Variants in GADL1 observed in about 807,000 individuals in gnomAD.
The protein encoded by GADL1 is GAD like acidic amino acid decarboxylase 1, also known as acidic amino acid decarboxylase GADL1.
A neutral mutation model predicts 69.5 loss-of-function variants in GADL1; 71 were observed. That is an observed-to-expected ratio of 1.02 (90% CI 0.84 to 1.25). The LOEUF (loss-of-function observed/expected upper bound fraction) is 1.25. Ranked by LOEUF, GADL1 falls within the 50% of genes most tolerant of loss-of-function variation. GADL1 has a pLI of 0.00. For missense variants in GADL1, 737 were observed against 631.8 expected (o/e 1.17, Z -1.79); for synonymous variants, 254 against 214.4 (o/e 1.18, Z -1.62).
At chr3:30,861,451 T>G in intron 2 of GADL1, 142 bp downstream of exon 2, 1 of 635,240 alleles carries the variant, frequency 1.6e-6, no homozygotes. Context: ...GCCTACACTT[T>G]TATATCTGGA....
chr3:30,749,495 C>A lies in GADL1; in HGVS notation c.1393-21080G>T, dbSNP rs1461080. ...CCAGCAATGTACTGACTAACTCATGCCTATTTTTAGCAACAGGTGAATCTT... is the reference window on the plus strand; with the variant it reads ...CCAGCAATGTACTGACTAACTCATGACTATTTTTAGCAACAGGTGAATCTT... On this transcript the variant is annotated intron_variant, in intron 14 of 14. Transcript: ENST00000282538. Among the ~76,000 whole-genome samples the A allele has an allele frequency of 3.0e-3, 462 of 152,282 alleles. 1 individual carries two copies. The highest frequency in any genetic ancestry group is 0.011 in the African/African-American group (442 of 41,554).
intron 1 of GADL1, among the ~76,000 whole-genome samples, chr3:30,873,778 C>G (rs982399647): frequency 6.6e-6 from 1 of 151,916 alleles, no homozygotes; most frequent in African/African-American, 2.4e-5. Flanking sequence ...TGGGGATTAT[C>G]TTTGCCCAGG....
At chr3:30,738,695 T>C (rs1695574263) in intron 14 of GADL1, among the ~76,000 whole-genome samples, 1 of 152,326 alleles carries the variant, frequency 6.6e-6, no homozygotes, top group South Asian at 2.1e-4. Flanking sequence ...TTTCTGAATA[T>C]TGTGTCTGGC....
At chr3:30,837,205 T>C (rs765893795) in intron 9 of GADL1, among the ~76,000 whole-genome samples, 1 of 152,118 alleles carries the variant, frequency 6.6e-6, no homozygotes, top group African/African-American at 2.4e-5. Context: ...CTAGAAGATT[T>C]CAAACAGGTC....
At chr3:30,886,666 A>T (rs1209983583) in intron 1 of GADL1, among the ~76,000 whole-genome samples, 1 of 152,160 alleles carries the variant, frequency 6.6e-6, no homozygotes, top group East Asian at 1.9e-4. Context: ...TTCATGTTGT[A>T]ACTGTTTGCT....
intron 14 of GADL1, among the ~76,000 whole-genome samples, chr3:30,739,252 CT>C (rs1214680760): frequency 6.6e-6 from 1 of 152,160 alleles, no homozygotes; most frequent in Non-Finnish European, 1.5e-5. Flanking sequence ...TAAGAGACAT[CT>C]TGTTCTATAC....
At chr3:30,752,071 C>T (rs991893142) in intron 14 of GADL1, among the ~76,000 whole-genome samples, 1 of 152,008 alleles carries the variant, frequency 6.6e-6, no homozygotes, top group Non-Finnish European at 1.5e-5. Flanking sequence ...TGTGCTGAAA[C>T]CTATTTCGTT....
intron 1 of GADL1, among the ~76,000 whole-genome samples, chr3:30,890,213 C>T (rs970262397): frequency 5.9e-5 from 9 of 152,174 alleles, no homozygotes; most frequent in East Asian, 1.9e-4. Flanking sequence ...CTTAAGATTT[C>T]GGGAATCATG....
chr3:30,886,806 C>T (rs566920004), intron 1 of GADL1, among the ~76,000 whole-genome samples: 14 of 152,288 alleles, frequency 9.2e-5, no homozygotes, highest in Admixed American at 9.2e-4. Context: ...TCCTGGCAGG[C>T]AGCATAAGAT....
chr3:30,867,307 C>T (rs1698416857), intron 1 of GADL1, among the ~76,000 whole-genome samples: 1 of 151,236 alleles, frequency 6.6e-6, no homozygotes, highest in Non-Finnish European at 1.5e-5. Context: ...AAAGTCCTTC[C>T]AAAACTTCAA....
At chr3:30,834,136 C>T in intron 10 of GADL1, 81 bp downstream of exon 10, 3 of 1,202,094 alleles carry the variant, frequency 2.5e-6, no homozygotes, top group East Asian at 4.7e-5. Context: ...TTTGTTTTTT[C>T]CTATTTTCAA....
Position 30,804,545 on chromosome 3 carries a change from T to G in GADL1, c.1051-3457A>C, listed in dbSNP as rs56404899. ...CCCCACCCCGATATCTCCCTTTATC[T>G]GACCAAATTCTTCATCCTTCTTACT... On this transcript the variant is annotated intron_variant, in intron 11 of 14. Coordinates refer to ENST00000282538, the MANE Select transcript of GADL1 (RefSeq NM_207359.3). Among the ~76,000 whole-genome samples, 402 of 141,234 alleles carry G rather than the reference T, an allele frequency of 2.8e-3. 1 individual carries two copies. The highest frequency in any genetic ancestry group is 0.011 in the Middle Eastern group (3 of 278). The allele number at this position is 141,234 out of a possible 152,430, so 92.7% of individuals were successfully genotyped here.
intron 11 of GADL1, among the ~76,000 whole-genome samples, chr3:30,831,574 C>T (rs1399316194): frequency 6.6e-6 from 1 of 151,988 alleles, no homozygotes; most frequent in East Asian, 1.9e-4. Context: ...CAAACCAAGA[C>T]TTTCCCTTTG....
In GADL1 at chr3:30,728,370, T is replaced by C; in HGVS notation, c.1438A>G (p.Met480Val). ...KERMMKKGSL[M>V]LGYQPHRGKV... is the part of the protein sequence containing the mutation. Reference sequence around the variant, plus strand: ...CCCCGGTGCGGCTGGTAGCCCAGCATCAAGCTTCCCTTCTTCATCATCCTC... The same window carrying C: ...CCCCGGTGCGGCTGGTAGCCCAGCACCAAGCTTCCCTTCTTCATCATCCTC... The change falls in exon 15 of 15, where the codon ATG (methionine) becomes GTG (valine). Residue 480 changes from methionine (M) to valine (V), a missense_variant. Transcript: ENST00000282538. 1 of 1,613,838 alleles carries C rather than the reference T, an allele frequency of 6.2e-7. No homozygotes were observed. The highest frequency in any genetic ancestry group is 8.5e-7 in the Non-Finnish European group (1 of 1,179,822).
chr3:30,770,830 T>A (rs564766365), intron 14 of GADL1, among the ~76,000 whole-genome samples: 1 of 152,232 alleles, frequency 6.6e-6, no homozygotes, highest in East Asian at 1.9e-4. Flanking sequence ...AGAGAGGCTG[T>A]TAAGCTCAAG....
At chr3:30,892,132 G>A (rs1388294265) in intron 1 of GADL1, among the ~76,000 whole-genome samples, 1 of 152,166 alleles carries the variant, frequency 6.6e-6, no homozygotes, top group Admixed American at 6.5e-5. Context: ...ATGAAAATTT[G>A]AATCTGATAT....
chr3:30,800,864 G>A lies in GADL1; in HGVS notation c.1250+25C>T, dbSNP rs758440767. On this transcript the variant is annotated intron_variant, in intron 12 of 14. Transcript: ENST00000282538. Reference sequence around the variant, plus strand: ...ACACACACACACAGAAAGAGAGAGAGAGAGAGAGAGAGAGAGGCTAGTACC... The same window carrying A: ...ACACACACACACAGAAAGAGAGAGAAAGAGAGAGAGAGAGAGGCTAGTACC... 9.2e-6 allele frequency: 14 copies of A among 1,529,680 alleles called. No homozygotes were observed. In the African/African-American group the frequency reaches 1.2e-4, roughly 14 times the overall value. The allele number at this position is 1,529,680 out of a possible 1,614,324, so 94.8% of individuals were successfully genotyped here. A position where few individuals can be genotyped will look rare whatever the true frequency, so the allele number is the denominator to read the frequency against.
Position 30,889,266 on chromosome 3 carries a change from C to G in GADL1, c.37+5312G>C, listed in dbSNP as rs141719411. On this transcript the variant is annotated intron_variant, in intron 1 of 14. Transcript: ENST00000282538. ...CTTTATAAAACCACTGAGTCCCTCC[C>G]ATGATGTGTGGATTATGGGAACTAC... 2.9e-3 allele frequency among the ~76,000 whole-genome samples: 437 copies of G among 152,174 alleles called. 8 individuals are homozygous for G. Among genetic ancestry groups the G allele is most frequent in the African/African-American group, 9.9e-3 (412 of 41,514 alleles).
At chr3:30,852,315 C>G (rs1335632724) in intron 4 of GADL1, among the ~76,000 whole-genome samples, 2 of 152,026 alleles carry the variant, frequency 1.3e-5, no homozygotes, top group Admixed American at 1.3e-4. Flanking sequence ...AGTTCAAGAC[C>G]AGCCTGGCCA....
Sources: allele counts gnomAD v4.1 joint callset (sites outside exome capture counted in the v4.1 genomes callset), GRCh38; gene constraint gnomAD v4.1.1; transcripts MANE v1.5; gene names NCBI Gene and HGNC (gene_info 2026-07-23, HGNC 2026-07-21).